PEX5: variants seen among roughly 807,000 people sequenced by gnomAD.
PEX5 encodes the protein PTS1 receptor.
Under a neutral mutation model 82.9 loss-of-function variants are expected in PEX5, and 52 were observed. The observed-to-expected ratio is 0.63, with a 90% confidence interval of 0.50 to 0.79. The LOEUF (loss-of-function observed/expected upper bound fraction) is 0.79. Among genes scored for constraint, PEX5 ranks in the 30% least tolerant of loss-of-function variants. The pLI is 0.00. For missense variants in PEX5, 719 were observed against 815.2 expected (o/e 0.88, Z 1.44); for synonymous variants, 300 against 318.8 (o/e 0.94, Z 0.63).
Position 7,207,820 on chromosome 12 carries a change from C to T in PEX5, c.1110+18C>T, listed in dbSNP as rs375982509. The stretch of plus-strand genomic sequence containing the variant: ...ACATGGAAGTGAGTGACTCCATAGT[C>T]TCATTTCTGGCTAGAGACTGCTTCC... On this transcript the variant is annotated intron_variant, in intron 11 of 15. Coordinates refer to ENST00000675855, the MANE Select transcript of PEX5 (RefSeq NM_001351132.2). The T allele has an allele frequency of 3.1e-6, 5 of 1,613,502 alleles. 1 individual carries two copies. The highest frequency in any genetic ancestry group is 4.2e-6 in the Non-Finnish European group (5 of 1,179,604).
chr12:7,209,932 G>A, intron 15 of PEX5, 90 bp from the exon 16 acceptor site: 1 of 1,594,554 alleles, frequency 6.3e-7, no homozygotes, highest in East Asian at 2.2e-5. Context: ...TGACTAACCA[G>A]CCCTAGCTTT....
At chr12:7,200,310 C>G (rs1378906399) in intron 6 of PEX5, among the ~76,000 whole-genome samples, 1 of 151,148 alleles carries the variant, frequency 6.6e-6, no homozygotes, top group Non-Finnish European at 1.5e-5. Context: ...GGCAGAGACG[C>G]TCCTCACTTC....
chr12:7,204,695 A>G (rs1255727084), intron 10 of PEX5, among the ~76,000 whole-genome samples: 2 of 152,234 alleles, frequency 1.3e-5, no homozygotes, highest in Non-Finnish European at 2.9e-5. Flanking sequence ...TTATAAATGG[A>G]AAGTTGTACA....
intron 8 of PEX5, 21 bp downstream of exon 8, chr12:7,202,372 A>G (rs755494535): frequency 1.2e-6 from 2 of 1,613,896 alleles, no homozygotes; most frequent in East Asian, 4.5e-5. Context: ...GTCACTTTCC[A>G]GTCCCACTTC....
At position 7,190,419 on chromosome 12, in the gene PEX5, C is replaced by T. The variant is rs1940804674; in HGVS notation, c.42C>T (p.Ala14=). 24 of 1,614,202 alleles carry T rather than the reference C, an allele frequency of 1.5e-5. No individual in the cohort carries two copies. The highest frequency in any genetic ancestry group is 3.3e-4 in the Middle Eastern group (2 of 6,060). Residue 14 remains alanine (A), a synonymous_variant, in exon 2 of 16, where the codon GCC becomes GCT. Transcript: ENST00000675855. ...RELVEAECGG[A]NPLMKLAGHF... ...TGGTGGAGGCCGAATGCGGGGGTGC[C>T]AACCCGCTCATGAAGCTCGCCGGGC...
rs1426147336 is a variant in PEX5 at position 7,202,771 on chromosome 12, GAACATCA to G, written c.846+70_846+76del. Reference sequence around the variant, plus strand: ...CACTCCTTGGAGTGAGTGGGTGTATGAACATCAAAGATGATGCAAATTGTATTTCATA... The same window carrying G: ...CACTCCTTGGAGTGAGTGGGTGTATGAAGATGATGCAAATTGTATTTCATA... On this transcript the variant is annotated intron_variant, in intron 9 of 15. Transcript: ENST00000675855. The G allele has an allele frequency of 3.8e-6, 4 of 1,045,134 alleles. No homozygotes were observed. The Admixed American group carries it at 6.8e-5, about 18-fold the overall frequency. The allele number at this position is 1,045,134 out of a possible 1,614,324, so 64.7% of individuals were successfully genotyped here. A position where few individuals can be genotyped will look rare whatever the true frequency, so the allele number is the denominator to read the frequency against.
At chr12:7,200,042 C>T (rs79707623) in intron 6 of PEX5, among the ~76,000 whole-genome samples, 7,754 of 59,940 alleles carry the variant, frequency 0.13, 1,045 homozygotes, top group South Asian at 0.44. Flanking sequence ...ACCTCCCTCC[C>T]GGACGGGGCG....
At chr12:7,217,821 C>T (rs909178779) in intron 17 of PEX5, among the ~76,000 whole-genome samples, 6 of 152,194 alleles carry the variant, frequency 3.9e-5, no homozygotes, top group Admixed American at 6.5e-5. Context: ...TGCTGCATAG[C>T]GAGTGTCCTG....
chr12:7,216,822 G>C (rs1945793478), intron 17 of PEX5, among the ~76,000 whole-genome samples: 2 of 151,988 alleles, frequency 1.3e-5, no homozygotes, highest in African/African-American at 4.8e-5. Flanking sequence ...AACACAGCAG[G>C]GACCCTGAAG....
chr12:7,207,970 G>C (rs1339363829), intron 11 of PEX5, 40 bp from the exon 12 acceptor site: 1 of 1,568,096 alleles, frequency 6.4e-7, no homozygotes, highest in South Asian at 1.1e-5. Context: ...CGAATGGAGA[G>C]GTGAATATGG....
rs533268127 is a variant in PEX5, at chr12:7,197,381, C to T, written c.449-1630C>T. ...ATGTAATAATTATATATGTCATATA[C>T]AATGTAATAATTATATATATGTCAT... On this transcript the variant is annotated intron_variant, in intron 5 of 15. Transcript: ENST00000675855. Among the ~76,000 whole-genome samples the T allele has an allele frequency of 6.0e-3, 340 of 56,388 alleles. 3 individuals carry two copies. Among genetic ancestry groups the T allele is most frequent in the South Asian group, 0.02 (28 of 1,414 alleles). 37.0% of individuals were successfully genotyped at this position (56,388 alleles called of 152,430 possible). A position where few individuals can be genotyped will look rare whatever the true frequency, so the allele number is the denominator to read the frequency against.
In PEX5 at chr12:7,196,213, TTA is replaced by T. The variant is rs199523054; in HGVS notation, c.449-2792_449-2791del. On this transcript the variant is annotated intron_variant, in intron 5 of 15. Coordinates refer to ENST00000675855, the MANE Select transcript of PEX5 (RefSeq NM_001351132.2). ...TAATGTAATATATGTTATGTAATAA[TTA>T]TATATGTCATATATAATTTAATTAT... 4.7e-3 allele frequency among the ~76,000 whole-genome samples: 286 copies of T among 61,412 alleles called. 6 individuals are homozygous for T. In the East Asian group the frequency reaches 0.063, roughly 13 times the overall value. 40.3% of individuals were successfully genotyped at this position (61,412 alleles called of 152,430 possible).
In PEX5 at chr12:7,191,349, C is replaced by G; in HGVS notation, c.307C>G (p.Pro103Ala). Reference sequence around the variant, plus strand: ...TGAGCAGTCAAACTTCCGCCAGGCTCCCCAGAGAGGTGAGTCCAGAGTCTA... The same window carrying G: ...TGAGCAGTCAAACTTCCGCCAGGCTGCCCAGAGAGGTGAGTCCAGAGTCTA... ...QIEQSNFRQA[P>A]QRAPGVADLA... The change falls in exon 4 of 16, where the codon CCC becomes GCC. Residue 103 changes from proline (P) to alanine (A), a missense_variant. Physicochemically the swap from Pro to Ala is conservative, Grantham distance 27. Transcript: ENST00000675855. 1 of 1,614,128 alleles carries G rather than the reference C, an allele frequency of 6.2e-7. No homozygotes were observed. The highest frequency in any genetic ancestry group is 8.5e-7 in the Non-Finnish European group (1 of 1,180,026).
At chr12:7,190,333 C>T in intron 1 of PEX5, 29 bp from the exon 2 acceptor site, 1 of 1,612,136 alleles carries the variant, frequency 6.2e-7, no homozygotes, top group African/African-American at 1.3e-5. Flanking sequence ...GCTTGGGTAC[C>T]TCAGTTCCAA....
At chr12:7,201,320 T>G (rs1943986986) in intron 6 of PEX5, among the ~76,000 whole-genome samples, 1 of 47,488 alleles carries the variant, frequency 2.1e-5, no homozygotes, top group African/African-American at 5.4e-5. Flanking sequence ...CACATGTATA[T>G]ACATACACAC....
chr12:7,204,362 G>C (rs1488136217), intron 10 of PEX5, among the ~76,000 whole-genome samples: 1 of 152,194 alleles, frequency 6.6e-6, no homozygotes, highest in Non-Finnish European at 1.5e-5. Context: ...TGCAAACCAG[G>C]GTGCTGGAGA....
rs1421564513 is a variant in PEX5, at chr12:7,189,749, C to A, written c.-18C>A. On this transcript the variant is annotated splice_region_variant and 5_prime_UTR_variant, in exon 1 of 16. Coordinates refer to ENST00000675855, the MANE Select transcript of PEX5 (RefSeq NM_001351132.2). ...GCGGGTCGTGCGGCGCGGCGCTCCG[C>A]GGTGAGCGCCTGACCCCGAGGGGGC... is the stretch of plus-strand genomic sequence containing the variant. The A allele has an allele frequency of 1.2e-5, 5 of 432,358 alleles. No individual in the cohort carries two copies. The highest frequency in any genetic ancestry group is 3.9e-5 in the East Asian group (1 of 25,870). 26.8% of individuals were successfully genotyped at this position (432,358 alleles called of 1,614,324 possible). A position where few individuals can be genotyped will look rare whatever the true frequency, so the allele number is the denominator to read the frequency against.
chr12:7,191,080 T>C, intron 3 of PEX5, 146 bp from the exon 4 acceptor site: 3 of 1,206,934 alleles, frequency 2.5e-6, no homozygotes, highest in Non-Finnish European at 3.7e-6. Context: ...TCTAAATCTA[T>C]GGAAAGACAG....
At chr12:7,200,557 G>T (rs1591737274) in intron 6 of PEX5, among the ~76,000 whole-genome samples, 1 of 152,010 alleles carries the variant, frequency 6.6e-6, no homozygotes, top group African/African-American at 2.4e-5. Context: ...GGTGGAGGTT[G>T]TAGCGAGCCG....
Sources: gnomAD v4.1 joint callset for allele counts (sites outside exome capture counted in the v4.1 genomes callset) on GRCh38, gnomAD v4.1.1 for gene constraint, MANE v1.5 for transcripts, NCBI Gene and HGNC (gene_info 2026-07-23, HGNC 2026-07-21) for gene names.